Variants in RIMS2 observed in about 807,000 individuals in gnomAD.
The protein encoded by RIMS2 is regulating synaptic membrane exocytosis protein 2.
Under a neutral mutation model 174.4 loss-of-function variants are expected in RIMS2, and 59 were observed. That is an observed-to-expected ratio of 0.34 (90% CI 0.27 to 0.42). The LOEUF (loss-of-function observed/expected upper bound fraction) is 0.42. Among genes scored for constraint, RIMS2 ranks in the 10% least tolerant of loss-of-function variants. The pLI, the probability that RIMS2 is intolerant of heterozygous loss-of-function variation, is 1.00. For missense variants in RIMS2, 1,620 were observed against 1,666.3 expected (o/e 0.97, Z 0.48); for synonymous variants, 606 against 572.5 (o/e 1.06, Z -0.84).
intron 1 of RIMS2, among the ~76,000 whole-genome samples, chr8:103,507,019 C>T (rs1824016919): frequency 6.6e-6 from 1 of 152,098 alleles, no homozygotes; most frequent in African/African-American, 2.4e-5. Flanking sequence ...TATTATTTAA[C>T]TAAAATCTAT....
chr8:103,706,448 A>G (rs909879350), intron 2 of RIMS2, among the ~76,000 whole-genome samples: 1 of 152,126 alleles, frequency 6.6e-6, no homozygotes, highest in African/African-American at 2.4e-5. Context: ...TTAAAAAAAA[A>G]TTGATTAACT....
intron 1 of RIMS2, among the ~76,000 whole-genome samples, chr8:103,513,358 A>G (rs564829775): frequency 2.6e-5 from 4 of 152,304 alleles, no homozygotes; most frequent in African/African-American, 9.6e-5. Context: ...CCTGCATTCT[A>G]TAAAATGAAG....
chr8:103,726,739 A>T (rs2097531240), intron 2 of RIMS2, among the ~76,000 whole-genome samples: 1 of 147,678 alleles, frequency 6.8e-6, no homozygotes, highest in African/African-American at 2.5e-5. Context: ...TTATATATAT[A>T]TATATATTTT....
At chr8:103,766,392 G>A in exon 3 of RIMS2, 1 of 1,613,888 alleles carries the variant, frequency 6.2e-7, no homozygotes, top group Non-Finnish European at 8.5e-7. Flanking sequence ...AAAACTACAT[G>A]AGCAGACCCA....
At chr8:103,696,241 A>C (rs974530378) in intron 1 of RIMS2, among the ~76,000 whole-genome samples, 12 of 152,110 alleles carry the variant, frequency 7.9e-5, no homozygotes, top group African/African-American at 2.9e-4. Flanking sequence ...AGAGCCCCCA[A>C]AATGAAGGAA....
At chr8:103,765,244 G>A (rs2098156572) in intron 2 of RIMS2, among the ~76,000 whole-genome samples, 2 of 152,070 alleles carry the variant, frequency 1.3e-5, no homozygotes. Flanking sequence ...TAATTGAAAA[G>A]GATTTTTCAG....
At chr8:103,990,821 T>G (rs1324478608) in intron 17 of RIMS2, among the ~76,000 whole-genome samples, 2 of 152,026 alleles carry the variant, frequency 1.3e-5, no homozygotes, top group African/African-American at 4.8e-5. Flanking sequence ...AAAGTTTTAT[T>G]TTAATGAAAA....
At chr8:103,598,664 G>C (rs2094568400) in intron 1 of RIMS2, among the ~76,000 whole-genome samples, 1 of 152,142 alleles carries the variant, frequency 6.6e-6, no homozygotes, top group South Asian at 2.1e-4. Flanking sequence ...CAATTGGGGA[G>C]TGTTCTTTGA....
At chr8:103,578,898 A>T (rs192900567) in intron 1 of RIMS2, among the ~76,000 whole-genome samples, 2 of 152,238 alleles carry the variant, frequency 1.3e-5, no homozygotes, top group East Asian at 3.9e-4. Context: ...AAGCTGAGGC[A>T]GGAGAATCAC....
chr8:104,079,990 T>A (rs1225213882), intron 19 of RIMS2, among the ~76,000 whole-genome samples: 1 of 152,004 alleles, frequency 6.6e-6, no homozygotes, highest in Non-Finnish European at 1.5e-5. Flanking sequence ...AATATGATTT[T>A]TAGAAGAAGA....
chr8:103,926,371 C>T (rs2078781846), intron 10 of RIMS2, among the ~76,000 whole-genome samples: 1 of 151,516 alleles, frequency 6.6e-6, no homozygotes, highest in African/African-American at 2.4e-5. Context: ...CACTCCACAT[C>T]TGAATATTTC....
chr8:104,080,967 C>G (rs1469737745), intron 19 of RIMS2, among the ~76,000 whole-genome samples: 1 of 151,996 alleles, frequency 6.6e-6, no homozygotes, highest in African/African-American at 2.4e-5. Flanking sequence ...CTCTATAGCA[C>G]TAGGCCTAGC....
At chr8:103,721,601 C>A (rs939548555) in intron 2 of RIMS2, among the ~76,000 whole-genome samples, 2 of 152,110 alleles carry the variant, frequency 1.3e-5, no homozygotes, top group African/African-American at 4.8e-5. Context: ...TGCAGCATAC[C>A]TAACTTCTTG....
intron 2 of RIMS2, among the ~76,000 whole-genome samples, chr8:103,736,692 G>A (rs2097689619): frequency 6.6e-6 from 1 of 152,138 alleles, no homozygotes; most frequent in African/African-American, 2.4e-5. Context: ...ATTGGATTTT[G>A]TATGGAAATA....
chr8:104,170,310 C>G (rs991008645), intron 19 of RIMS2, among the ~76,000 whole-genome samples: 15 of 152,042 alleles, frequency 9.9e-5, no homozygotes, highest in African/African-American at 3.4e-4. Context: ...ATCTCATTTC[C>G]TAGGTCTGGG....
At chr8:103,621,959 G>C (rs1381899561) in intron 1 of RIMS2, among the ~76,000 whole-genome samples, 1 of 152,016 alleles carries the variant, frequency 6.6e-6, no homozygotes, top group Admixed American at 6.6e-5. Context: ...AAAATAATTG[G>C]TTCCAAAATG....
intron 17 of RIMS2, among the ~76,000 whole-genome samples, chr8:103,992,389 G>A (rs1449208217): frequency 6.7e-6 from 1 of 148,690 alleles, no homozygotes; most frequent in East Asian, 2.0e-4. Context: ...GTATCCCAAA[G>A]TGCTGGGATT....
intron 3 of RIMS2, among the ~76,000 whole-genome samples, chr8:103,845,754 T>G (rs1232525356): frequency 1.3e-5 from 2 of 152,148 alleles, no homozygotes; most frequent in Non-Finnish European, 2.9e-5. Flanking sequence ...AGCAACAGCC[T>G]AAGACAACAT....
chr8:103,581,167 T>C (rs2093599048), intron 1 of RIMS2, among the ~76,000 whole-genome samples: 1 of 152,112 alleles, frequency 6.6e-6, no homozygotes, highest in Admixed American at 6.5e-5. Flanking sequence ...ATTACCCTGA[T>C]GCCAGAACTA....
Sources: gnomAD v4.1 joint callset for allele counts (sites outside exome capture counted in the v4.1 genomes callset) on GRCh38, gnomAD v4.1.1 for gene constraint, MANE v1.5 for transcripts, NCBI Gene and HGNC (gene_info 2026-07-23, HGNC 2026-07-21) for gene names.